Variants in HDLBP observed in about 807,000 individuals in gnomAD.
HDLBP encodes the protein high density lipoprotein binding protein.
HDLBP carries 30 observed loss-of-function variants against 137.3 expected under a neutral mutation model. The ratio of observed to expected loss-of-function variants is 0.22; its 90% CI spans 0.16 to 0.30. The LOEUF (loss-of-function observed/expected upper bound fraction) is 0.30, where lower values mean the gene tolerates loss of function less well. Ranked by LOEUF, HDLBP falls within the 10% of genes least tolerant of loss-of-function variation. The probability of loss-of-function intolerance (pLI) is 1.00; values close to 1 mark genes in which losing one functional copy is unlikely to be tolerated. For missense variants in HDLBP, 1,119 were observed against 1,667.3 expected (o/e 0.67, Z 5.73); for synonymous variants, 606 against 596.0 (o/e 1.02, Z -0.24).
At chr2:241,266,222 C>T (rs2073664568) in intron 3 of HDLBP, among the ~76,000 whole-genome samples, 1 of 152,108 alleles carries the variant, frequency 6.6e-6, no homozygotes, top group South Asian at 2.1e-4. Flanking sequence ...CAATGGTTCC[C>T]CCCCTTTTTT....
chr2:241,264,007 T>G (rs2073424386), intron 4 of HDLBP, among the ~76,000 whole-genome samples: 1 of 149,974 alleles, frequency 6.7e-6, no homozygotes. Flanking sequence ...ATTCAGAAAC[T>G]CTTCCATCAG....
rs754518272 is a variant in HDLBP, at chr2:241,239,573, A to C, written c.2610+29T>G. ...CGGTGAGTGGCCACTGGGGGGTGAGAACCCCTCCCCGAGCACCCAAGTGCC... is the reference window on the plus strand; with the variant it reads ...CGGTGAGTGGCCACTGGGGGGTGAGCACCCCTCCCCGAGCACCCAAGTGCC... On this transcript the variant is annotated intron_variant, in intron 19 of 27. Transcript: ENST00000310931. The surrounding 1 kb of genome is among the most constrained non-coding windows in gnomAD (Gnocchi z 4.6). 6.3e-7 allele frequency: 1 copy of C among 1,579,124 alleles called. No homozygotes were observed. The highest frequency in any genetic ancestry group is 8.7e-7 in the Non-Finnish European group (1 of 1,148,650).
chr2:241,272,074 T>G lies in HDLBP; in HGVS notation c.-102-3533A>C. On this transcript the variant is annotated intron_variant, in intron 1 of 27. Transcript: ENST00000310931. This position sits in a 1 kb window ranked among gnomAD's most constrained non-coding sequence, Gnocchi z 5.6. The stretch of plus-strand genomic sequence containing the variant: ...CCGCCTTTCATCCAAATTCGGTACT[T>G]TTCCGTAATGTATTTTTCATCCACG... 3.7e-6 allele frequency: 2 copies of G among 533,424 alleles called. No homozygotes were observed. Among genetic ancestry groups the G allele is most frequent in the Non-Finnish European group, 4.8e-6 (2 of 416,802 alleles). 33.0% of individuals were successfully genotyped at this position (533,424 alleles called of 1,614,324 possible).
intron 1 of HDLBP, among the ~76,000 whole-genome samples, chr2:241,298,796 T>C (rs2075283768): frequency 6.6e-6 from 1 of 151,992 alleles, no homozygotes; most frequent in Middle Eastern, 3.2e-3. Flanking sequence ...AAAACCTAGA[T>C]CTAATCAAAA....
At position 241,293,455 on chromosome 2, in the gene HDLBP, G is replaced by A. The variant is rs190314799; in HGVS notation, c.-103+22115C>T. Among the ~76,000 whole-genome samples the A allele has an allele frequency of 1.5e-4, 23 of 151,882 alleles. No homozygotes were observed. In the East Asian group the frequency reaches 2.7e-3, roughly 18 times the overall value. On this transcript the variant is annotated intron_variant, in intron 1 of 27. Coordinates refer to ENST00000310931, the MANE Select transcript of HDLBP (RefSeq NM_005336.6). Reference sequence around the variant, plus strand: ...GTTACAGTGAGTGAGTTATAATCACGCTACTGCACTCCCAGCCTGGGTGGC... The same window carrying A: ...GTTACAGTGAGTGAGTTATAATCACACTACTGCACTCCCAGCCTGGGTGGC...
chr2:241,284,996 T>A (rs2074750581), intron 1 of HDLBP, among the ~76,000 whole-genome samples: 1 of 152,236 alleles, frequency 6.6e-6, no homozygotes, highest in Admixed American at 6.5e-5. Context: ...CTCTCCCGCC[T>A]CAGCCTCCCA....
Position 241,272,337 on chromosome 2 carries a change from G to A in HDLBP, c.-102-3796C>T. 2.0e-6 allele frequency: 2 copies of A among 983,806 alleles called. No homozygotes were observed. The highest frequency in any genetic ancestry group is 2.4e-6 in the Non-Finnish European group (2 of 828,920). 60.9% of individuals were successfully genotyped at this position (983,806 alleles called of 1,614,324 possible). A position where few individuals can be genotyped will look rare whatever the true frequency, so the allele number is the denominator to read the frequency against. The stretch of plus-strand genomic sequence containing the variant: ...CCCCGCCGGAGCGGGGGAGGGGAGG[G>A]CCGGCCCCGCCAACGTCAGCGACCT... On this transcript the variant is annotated intron_variant, in intron 1 of 27. Transcript: ENST00000310931. The surrounding 1 kb of genome is among the most constrained non-coding windows in gnomAD (Gnocchi z 5.6).
chr2:241,297,634 G>A (rs2075229381), intron 1 of HDLBP, among the ~76,000 whole-genome samples: 1 of 152,162 alleles, frequency 6.6e-6, no homozygotes, highest in South Asian at 2.1e-4. Context: ...AGAGCCAACT[G>A]CCATAAAAGG....
intron 1 of HDLBP, among the ~76,000 whole-genome samples, chr2:241,301,286 C>T (rs577177351): frequency 2.0e-5 from 3 of 152,042 alleles, no homozygotes; most frequent in South Asian, 4.2e-4. Context: ...TGCACCCGGC[C>T]ACACACATAC....
At chr2:241,290,615 GAA>G (rs199969641) in intron 1 of HDLBP, among the ~76,000 whole-genome samples, 7 of 144,976 alleles carry the variant, frequency 4.8e-5, no homozygotes, top group Non-Finnish European at 7.5e-5. Flanking sequence ...TGTCTCAAAG[GAA>G]AAAAAAAAAA....
At position 241,272,734 on chromosome 2, in the gene HDLBP, C is replaced by A; in HGVS notation, c.-102-4193G>T. 2 of 432,040 alleles carry A rather than the reference C, an allele frequency of 4.6e-6. No homozygotes were observed. Among genetic ancestry groups the A allele is most frequent in the Non-Finnish European group, 6.1e-6 (2 of 328,284 alleles). The allele number at this position is 432,040 out of a possible 1,614,324, so 26.8% of individuals were successfully genotyped here. On this transcript the variant is annotated intron_variant, in intron 1 of 27. Transcript: ENST00000310931. The surrounding 1 kb of genome is among the most constrained non-coding windows in gnomAD (Gnocchi z 5.6). ...CGCCCCGTCCGCCCGCCCGCCCAGG[C>A]CTCCCAGCCCCGTGTTGCGCGCTCA...
intron 1 of HDLBP, among the ~76,000 whole-genome samples, chr2:241,289,526 A>T (rs892509631): frequency 2.6e-5 from 4 of 152,226 alleles, no homozygotes; most frequent in Non-Finnish European, 2.9e-5. Context: ...CTCAGATCAG[A>T]ACATTACCAT....
chr2:241,303,853 G>T (rs537116587), intron 1 of HDLBP, among the ~76,000 whole-genome samples: 2 of 152,196 alleles, frequency 1.3e-5, no homozygotes, highest in Non-Finnish European at 2.9e-5. Context: ...CTGTGACCCA[G>T]AATGGAGTGC....
At chr2:241,232,536 A>G (rs1277193578) in intron 24 of HDLBP, among the ~76,000 whole-genome samples, 1 of 152,208 alleles carries the variant, frequency 6.6e-6, no homozygotes, top group Non-Finnish European at 1.5e-5. Context: ...TCGGCCTCCA[A>G]AAGTGTTGGG....
chr2:241,246,943 G>A, intron 15 of HDLBP, 60 bp from the exon 16 acceptor site: 1 of 1,597,964 alleles, frequency 6.3e-7, no homozygotes, highest in Non-Finnish European at 8.6e-7. Context: ...TTGAGACACA[G>A]TTGAGCACAG....
chr2:241,235,672 C>T (rs1053690855), intron 21 of HDLBP, 78 bp from the exon 22 acceptor site: 50 of 988,170 alleles, frequency 5.1e-5, no homozygotes, highest in Admixed American at 1.9e-4. Context: ...TGGGGCTCCA[C>T]GAAACACAAG....
chr2:241,309,259 C>T (rs569760049), intron 1 of HDLBP, among the ~76,000 whole-genome samples: 1 of 152,290 alleles, frequency 6.6e-6, no homozygotes, highest in Admixed American at 6.5e-5. Context: ...CCTGACACCG[C>T]TTACCAAAAC....
intron 4 of HDLBP, 101 bp from the exon 5 acceptor site, chr2:241,263,027 A>T: frequency 1.1e-6 from 1 of 893,668 alleles, no homozygotes; most frequent in Non-Finnish European, 1.8e-6. Flanking sequence ...CTCACAAAGC[A>T]GCCCCACCCT....
At chr2:241,266,621 G>T in intron 3 of HDLBP, 173 bp downstream of exon 3, 1 of 584,332 alleles carries the variant, frequency 1.7e-6, no homozygotes. Context: ...TGCCTGGCCA[G>T]TCGCCCCTGC....
Sources: gnomAD v4.1 joint callset for allele counts (sites outside exome capture counted in the v4.1 genomes callset) on GRCh38, gnomAD v4.1.1 for gene constraint, Gnocchi (gnomAD v3.1) non-coding constraint, MANE v1.5 for transcripts, NCBI Gene and HGNC (gene_info 2026-07-23, HGNC 2026-07-21) for gene names.